Variants in ANKS1B observed in about 807,000 individuals in gnomAD.
The protein encoded by ANKS1B is ankyrin repeat and sterile alpha motif domain-containing protein 1B.
ANKS1B carries 36 observed loss-of-function variants against 148.3 expected under a neutral mutation model. The observed-to-expected ratio is 0.24, with a 90% CI of 0.19 to 0.32. The LOEUF (loss-of-function observed/expected upper bound fraction) is 0.32, where lower values mean the gene tolerates loss of function less well. Ranked by LOEUF, ANKS1B falls within the 10% of genes least tolerant of loss-of-function variation. ANKS1B has a pLI of 1.00. For synonymous variants in ANKS1B, 542 were observed against 560.8 expected (o/e 0.97, Z 0.47); for missense variants, 1,157 against 1,542.6 (o/e 0.75, Z 4.19).
At chr12:99,605,119 AG>A (rs1414295607) in intron 9 of ANKS1B, among the ~76,000 whole-genome samples, 2 of 152,054 alleles carry the variant, frequency 1.3e-5, no homozygotes, top group African/African-American at 2.4e-5. Context: ...TTAACACTAA[AG>A]GTAATTTTAA....
intron 1 of ANKS1B, among the ~76,000 whole-genome samples, chr12:99,956,277 CA>C (rs60549978): frequency 0.33 from 29,964 of 90,112 alleles, 2,374 homozygotes; most frequent in Non-Finnish European, 0.36. Context: ...GACTCTGTCT[CA>C]AAAAAAAAAA....
intron 17 of ANKS1B, among the ~76,000 whole-genome samples, chr12:98,970,996 A>G (rs1320871483): frequency 1.2e-4 from 18 of 152,192 alleles, no homozygotes; most frequent in Admixed American, 1.2e-3. Flanking sequence ...AAATTTCAGA[A>G]CCACAGTGGA....
intron 11 of ANKS1B, among the ~76,000 whole-genome samples, chr12:99,427,167 A>C (rs2095271986): frequency 6.6e-6 from 1 of 152,220 alleles, no homozygotes; most frequent in African/African-American, 2.4e-5. Context: ...CTCTAGCCAG[A>C]GTGATCTTTT....
intron 17 of ANKS1B, among the ~76,000 whole-genome samples, chr12:99,019,170 T>TGTGTGTGTGTGG (rs2099944285): frequency 6.6e-6 from 1 of 152,180 alleles, no homozygotes; most frequent in Non-Finnish European, 1.5e-5. Context: ...TGTTGTGAGT[T>TGTGTGTGTGTGG]TTCTATTCAA....
intron 9 of ANKS1B, among the ~76,000 whole-genome samples, chr12:99,575,702 C>G (rs1043712611): frequency 6.6e-6 from 1 of 152,010 alleles, no homozygotes; most frequent in Non-Finnish European, 1.5e-5. Flanking sequence ...CCCACTGGGT[C>G]CCTCCCACAA....
intron 11 of ANKS1B, among the ~76,000 whole-genome samples, chr12:99,418,036 G>A (rs1311596066): frequency 6.6e-6 from 1 of 152,180 alleles, no homozygotes; most frequent in Non-Finnish European, 1.5e-5. Context: ...CAAAAGCTAA[G>A]GGAGTTCATT....
intron 11 of ANKS1B, among the ~76,000 whole-genome samples, chr12:99,436,975 T>C (rs1229264915): frequency 6.6e-6 from 1 of 152,070 alleles, no homozygotes; most frequent in African/African-American, 2.4e-5. Context: ...TTCTATTGAA[T>C]TCCATTTAGG....
intron 8 of ANKS1B, among the ~76,000 whole-genome samples, chr12:99,687,874 A>T (rs2098658410): frequency 6.6e-6 from 1 of 152,134 alleles, no homozygotes; most frequent in Non-Finnish European, 1.5e-5. Flanking sequence ...ATAATTTTTT[A>T]CTGTTTGGTG....
chr12:99,293,675 G>A (rs1341726568), intron 12 of ANKS1B, among the ~76,000 whole-genome samples: 2 of 152,086 alleles, frequency 1.3e-5, no homozygotes, highest in African/African-American at 2.4e-5. Context: ...GGACAAATGG[G>A]ATCACATCAA....
intron 17 of ANKS1B, among the ~76,000 whole-genome samples, chr12:99,012,474 G>A (rs1363850006): frequency 6.6e-6 from 1 of 152,138 alleles, no homozygotes; most frequent in African/African-American, 2.4e-5. Flanking sequence ...CTACCAAGAA[G>A]TATCCTGATC....
chr12:99,035,379 G>C (rs1422567941), intron 17 of ANKS1B, among the ~76,000 whole-genome samples: 3 of 152,136 alleles, frequency 2.0e-5, no homozygotes, highest in Non-Finnish European at 4.4e-5. Context: ...GCATGCTCAG[G>C]GGGGCCAAGA....
rs570567128 is a variant in ANKS1B at position 99,155,629 on chromosome 12, A to T, written c.2420-1234T>A. On this transcript the variant is annotated intron_variant, in intron 14 of 26. Transcript: ENST00000683438. ...GTGTGAGTTTTACTGAATGGCAGAT[A>T]GACTGAGTAATTTATTTAATAATTG... 1.8e-4 allele frequency among the ~76,000 whole-genome samples: 27 copies of T among 152,292 alleles called. No individual in the cohort carries two copies. The South Asian group carries it at 5.4e-3, about 30-fold the overall frequency.
intron 12 of ANKS1B, among the ~76,000 whole-genome samples, chr12:99,361,325 C>T (rs116277147): frequency 2.3e-4 from 35 of 152,038 alleles, no homozygotes; most frequent in African/African-American, 8.0e-4. Flanking sequence ...AAAAAGTTGA[C>T]GAATCAAGTA....
At chr12:98,804,094 C>CA (rs1259335627) in intron 20 of ANKS1B, among the ~76,000 whole-genome samples, 1 of 152,230 alleles carries the variant, frequency 6.6e-6, no homozygotes, top group Non-Finnish European at 1.5e-5. Context: ...TCCAAAATCA[C>CA]AAACCACTTG....
intron 1 of ANKS1B, among the ~76,000 whole-genome samples, chr12:99,898,680 A>G (rs1198678175): frequency 6.6e-6 from 1 of 152,202 alleles, no homozygotes; most frequent in Non-Finnish European, 1.5e-5. Flanking sequence ...ACGATGAAGA[A>G]AGCAAAGATT....
At chr12:99,704,988 A>G (rs1001209408) in intron 8 of ANKS1B, among the ~76,000 whole-genome samples, 4 of 152,122 alleles carry the variant, frequency 2.6e-5, no homozygotes, top group African/African-American at 9.6e-5. Context: ...TAGTTACATG[A>G]CAAATGACTA....
At chr12:99,371,938 C>T (rs1464835912) in intron 12 of ANKS1B, among the ~76,000 whole-genome samples, 1 of 151,832 alleles carries the variant, frequency 6.6e-6, no homozygotes. Context: ...AGTAAATGAC[C>T]CAAACTAACA....
intron 15 of ANKS1B, among the ~76,000 whole-genome samples, chr12:99,133,792 C>T (rs1028013387): frequency 1.3e-5 from 2 of 152,180 alleles, no homozygotes; most frequent in African/African-American, 4.8e-5. Context: ...TACTTCATGC[C>T]TCCTTTTCCT....
intron 8 of ANKS1B, among the ~76,000 whole-genome samples, chr12:99,673,111 A>G (rs2098546195): frequency 6.6e-6 from 1 of 152,134 alleles, no homozygotes; most frequent in Admixed American, 6.6e-5. Flanking sequence ...AGACCATATA[A>G]TCTTAGGTGA....
Sources: gnomAD v4.1 joint callset for allele counts (sites outside exome capture counted in the v4.1 genomes callset) on GRCh38, gnomAD v4.1.1 for gene constraint, MANE v1.5 for transcripts, NCBI Gene and HGNC (gene_info 2026-07-23, HGNC 2026-07-21) for gene names.